Variants in LCORL observed in about 807,000 individuals in gnomAD.
LCORL encodes the protein ligand dependent nuclear receptor corepressor like.
A neutral mutation model predicts 141.8 loss-of-function variants in LCORL; 41 were observed. The observed-to-expected ratio is 0.29, with a 90% CI of 0.23 to 0.38. The LOEUF (loss-of-function observed/expected upper bound fraction) is 0.38. Among genes scored for constraint, LCORL ranks in the 10% least tolerant of loss-of-function variants. The pLI, the probability that LCORL is intolerant of heterozygous loss-of-function variation, is 1.00. For synonymous variants in LCORL, 618 were observed against 694.1 expected (o/e 0.89, Z 1.72); for missense variants, 1,759 against 2,035.0 (o/e 0.86, Z 2.61).
intron 4 of LCORL, among the ~76,000 whole-genome samples, chr4:17,953,860 G>A (rs1711977725): frequency 6.6e-6 from 1 of 151,884 alleles, no homozygotes; most frequent in Non-Finnish European, 1.5e-5. Flanking sequence ...GAGTAAGGGA[G>A]AGTTTATAAA....
chr4:18,020,551 G>T (rs1402989553), intron 1 of LCORL: 1 of 146,656 alleles, frequency 6.8e-6, no homozygotes, highest in Non-Finnish European at 1.5e-5. Context: ...ACAGCTCTAT[G>T]CATTCGTCTT....
intron 1 of LCORL, among the ~76,000 whole-genome samples, chr4:17,975,544 A>G (rs1186232601): frequency 6.6e-6 from 1 of 151,946 alleles, no homozygotes; most frequent in Non-Finnish European, 1.5e-5. Flanking sequence ...CTAAAGGCAC[A>G]TGCCATCACG....
intron 7 of LCORL, among the ~76,000 whole-genome samples, chr4:17,846,995 A>T (rs2109087168): frequency 6.6e-6 from 1 of 152,304 alleles, no homozygotes; most frequent in East Asian, 1.9e-4. Context: ...ATTACTCAAA[A>T]ATTCAATAAA....
intron 5 of LCORL, among the ~76,000 whole-genome samples, chr4:17,891,790 T>TAA (rs1729117040): frequency 6.6e-6 from 1 of 152,152 alleles, no homozygotes; most frequent in Admixed American, 6.6e-5. Context: ...AAATATAGAA[T>TAA]AAACTGTGGA....
At chr4:17,908,184 C>G (rs906360436) in intron 5 of LCORL, among the ~76,000 whole-genome samples, 3 of 152,016 alleles carry the variant, frequency 2.0e-5, no homozygotes, top group African/African-American at 7.3e-5. Context: ...AGGCATGTGC[C>G]ACAGTGCCCG....
At chr4:17,975,478 C>T (rs536390469) in intron 1 of LCORL, among the ~76,000 whole-genome samples, 1 of 152,092 alleles carries the variant, frequency 6.6e-6, no homozygotes, top group East Asian at 1.9e-4. Context: ...TCATTGCAAC[C>T]TCCACCTCCT....
At chr4:17,893,946 G>A (rs2109262392) in intron 5 of LCORL, among the ~76,000 whole-genome samples, 1 of 152,174 alleles carries the variant, frequency 6.6e-6, no homozygotes, top group South Asian at 2.1e-4. Flanking sequence ...TCACAGGTGT[G>A]CGCCACCATG....
In LCORL at chr4:17,884,158, T is replaced by C. The variant is rs967393109; in HGVS notation, c.776+1910A>G. 3.2e-6 allele frequency: 5 copies of C among 1,550,194 alleles called. No individual in the cohort carries two copies. The highest frequency in any genetic ancestry group is 3.5e-6 in the Non-Finnish European group (4 of 1,146,238). ...ATTCTATTTTGTTCTGTTTAGGGAG[T>C]ATATTTTTCAGTTTTTGGAGAGCTG... On this transcript the variant is annotated intron_variant, in intron 6 of 7. Coordinates refer to ENST00000635767, the Ensembl canonical transcript of LCORL. This position sits in a 1 kb window ranked among gnomAD's most constrained non-coding sequence, Gnocchi z 4.4.
intron 7 of LCORL, among the ~76,000 whole-genome samples, chr4:17,859,267 T>C (rs1034995331): frequency 3.9e-5 from 6 of 152,128 alleles, no homozygotes; most frequent in African/African-American, 9.7e-5. Flanking sequence ...TAGGCTACGA[T>C]GTTAGATAGG....
At chr4:17,964,403 C>T (rs1237218208) in intron 2 of LCORL, among the ~76,000 whole-genome samples, 1 of 152,028 alleles carries the variant, frequency 6.6e-6, no homozygotes, top group East Asian at 1.9e-4. Flanking sequence ...AACTATGAAG[C>T]ACCATACAAA....
At chr4:17,991,710 C>A (rs531495778) in intron 1 of LCORL, among the ~76,000 whole-genome samples, 1 of 152,122 alleles carries the variant, frequency 6.6e-6, no homozygotes, top group African/African-American at 2.4e-5. Context: ...AAATTTATTA[C>A]AAATAGACAA....
At chr4:17,909,105 T>C in exon 5 of LCORL, 1 of 1,597,400 alleles carries the variant, frequency 6.3e-7, no homozygotes, top group Non-Finnish European at 8.5e-7. Flanking sequence ...TTGCTGAGTA[T>C]TTTGTTCTTG....
chr4:17,908,752 A>G (rs971411731), intron 5 of LCORL, among the ~76,000 whole-genome samples: 5 of 152,186 alleles, frequency 3.3e-5, no homozygotes, highest in African/African-American at 7.2e-5. Flanking sequence ...AAAAAAACGA[A>G]CAAGCAAGTG....
intron 4 of LCORL, among the ~76,000 whole-genome samples, chr4:17,949,669 C>G (rs997331931): frequency 1.3e-5 from 2 of 152,138 alleles, no homozygotes; most frequent in Admixed American, 1.3e-4. Flanking sequence ...CTAGCTCTTA[C>G]TTCAAGTAGA....
chr4:17,849,485 C>CT (rs904781087), intron 7 of LCORL, among the ~76,000 whole-genome samples: 1 of 152,130 alleles, frequency 6.6e-6, no homozygotes, highest in Non-Finnish European at 1.5e-5. Context: ...AGAAGGAAAA[C>CT]TAACAAACAG....
chr4:17,907,105 T>C (rs555727155), intron 5 of LCORL, among the ~76,000 whole-genome samples: 9 of 152,206 alleles, frequency 5.9e-5, no homozygotes, highest in Non-Finnish European at 1.0e-4. Context: ...TATCTAGACC[T>C]GAAATCTGTT....
At chr4:17,967,661 C>A (rs112245081) in intron 2 of LCORL, among the ~76,000 whole-genome samples, 22 of 152,240 alleles carry the variant, frequency 1.4e-4, no homozygotes, top group African/African-American at 5.3e-4. Context: ...AAAAGATGCA[C>A]TACAATTTAT....
At chr4:17,989,184 T>C (rs1386401004) in intron 1 of LCORL, among the ~76,000 whole-genome samples, 1 of 152,220 alleles carries the variant, frequency 6.6e-6, no homozygotes, top group Non-Finnish European at 1.5e-5. Flanking sequence ...CTTTATTTTA[T>C]TGTTTTGATG....
chr4:17,933,654 ATTC>A (rs1218395042), intron 4 of LCORL, among the ~76,000 whole-genome samples: 9 of 151,932 alleles, frequency 5.9e-5, no homozygotes, highest in Non-Finnish European at 1.2e-4. Context: ...ATGATGTACT[ATTC>A]TTCTGTTTTT....
Sources: gnomAD v4.1 joint callset for allele counts (sites outside exome capture counted in the v4.1 genomes callset) on GRCh38, gnomAD v4.1.1 for gene constraint, Gnocchi (gnomAD v3.1) non-coding constraint, MANE v1.5 for transcripts, NCBI Gene and HGNC (gene_info 2026-07-23, HGNC 2026-07-21) for gene names.